Variants in PCDHGA4 observed in about 807,000 individuals in gnomAD.
The protein encoded by PCDHGA4 is protocadherin gamma-A4.
PCDHGA4 carries 38 observed loss-of-function variants against 54.6 expected under a neutral mutation model. The ratio of observed to expected loss-of-function variants is 0.70; its 90% confidence interval spans 0.54 to 0.91. The LOEUF is 0.91. PCDHGA4 is among the 40% of genes least tolerant of loss of function. The probability of loss-of-function intolerance (pLI) is 0.00; values close to 1 mark genes in which losing one functional copy is unlikely to be tolerated. For synonymous variants in PCDHGA4, 511 were observed against 512.9 expected (o/e 1.00, Z 0.05); for missense variants, 1,298 against 1,220.9 (o/e 1.06, Z -0.94).
At chr5:141,484,359 T>A (rs1218120598) in intron 1 of PCDHGA4, among the ~76,000 whole-genome samples, 1 of 152,222 alleles carries the variant, frequency 6.6e-6, no homozygotes, top group Non-Finnish European at 1.5e-5. Context: ...GTGTATCTAG[T>A]GTATCACTAG....
chr5:141,420,415 TAAAAC>T, intron 1 of PCDHGA4: 1 of 1,217,298 alleles, frequency 8.2e-7, no homozygotes, highest in Non-Finnish European at 1.1e-6. Flanking sequence ...TTATCATTAT[TAAAAC>T]AAAAGTTTAA....
At chr5:141,405,232 C>T (rs779259588) in intron 1 of PCDHGA4, 8 of 1,613,990 alleles carry the variant, frequency 5.0e-6, no homozygotes, top group Middle Eastern at 1.6e-4. Flanking sequence ...TCTCCCTCAC[C>T]GCTGACTCAA....
chr5:141,388,864 C>T (rs748559328), intron 1 of PCDHGA4: 15 of 1,613,736 alleles, frequency 9.3e-6, no homozygotes, highest in Middle Eastern at 1.6e-4. Flanking sequence ...GGAATGATTG[C>T]GCAATGCACA....
intron 1 of PCDHGA4, among the ~76,000 whole-genome samples, chr5:141,453,322 G>A (rs897661534): frequency 6.6e-6 from 1 of 151,544 alleles, no homozygotes; most frequent in Non-Finnish European, 1.5e-5. Flanking sequence ...TTTTAGAGAT[G>A]GGGTCTCACT....
chr5:141,492,851 C>T (rs1289268967), intron 1 of PCDHGA4, among the ~76,000 whole-genome samples: 2 of 152,204 alleles, frequency 1.3e-5, no homozygotes, highest in Non-Finnish European at 2.9e-5. Flanking sequence ...GTGAAAGCCT[C>T]GAGCGCCCTG....
intron 1 of PCDHGA4, chr5:141,393,413 G>C: frequency 6.2e-7 from 1 of 1,614,046 alleles, no homozygotes; most frequent in Non-Finnish European, 8.5e-7. Flanking sequence ...AGCGCGCCCT[G>C]GACAGGGAGG....
intron 1 of PCDHGA4, chr5:141,421,806 A>C (rs1027166084): frequency 4.3e-6 from 7 of 1,613,724 alleles, no homozygotes; most frequent in Non-Finnish European, 5.1e-6. Flanking sequence ...CCAAGAATCC[A>C]GAGCTAGTAC....
intron 1 of PCDHGA4, among the ~76,000 whole-genome samples, chr5:141,435,043 C>T (rs2097739230): frequency 1.3e-5 from 2 of 151,658 alleles, no homozygotes; most frequent in African/African-American, 2.4e-5. Flanking sequence ...ATTTTTTTCC[C>T]ATTGACCATG....
chr5:141,401,446 A>G (rs1200787289), intron 1 of PCDHGA4, among the ~76,000 whole-genome samples: 1 of 152,244 alleles, frequency 6.6e-6, no homozygotes, highest in Non-Finnish European at 1.5e-5. Context: ...GAAGGTCCAA[A>G]TCATCCAAAT....
intron 1 of PCDHGA4, among the ~76,000 whole-genome samples, chr5:141,362,816 G>C (rs1253772820): frequency 1.3e-5 from 2 of 152,090 alleles, no homozygotes; most frequent in Non-Finnish European, 2.9e-5. Flanking sequence ...ACTTCTCTCT[G>C]CAGATTTGTT....
At chr5:141,403,119 C>T in intron 1 of PCDHGA4, 1 of 1,614,060 alleles carries the variant, frequency 6.2e-7, no homozygotes, top group Non-Finnish European at 8.5e-7. Flanking sequence ...GCTCTGGAGC[C>T]CCGGGAGCTG....
chr5:141,384,206 C>T (rs887307433), intron 1 of PCDHGA4: 1 of 1,613,928 alleles, frequency 6.2e-7, no homozygotes. Context: ...TCCAGGGAAA[C>T]TCACATATTC....
At chr5:141,365,089 G>A in intron 1 of PCDHGA4, 2 of 1,613,840 alleles carry the variant, frequency 1.2e-6, no homozygotes, top group South Asian at 2.2e-5. Flanking sequence ...GTGTTCCAGA[G>A]AACATACCTG....
At chr5:141,369,892 TATG>T (rs1425925280) in intron 1 of PCDHGA4, among the ~76,000 whole-genome samples, 1 of 152,208 alleles carries the variant, frequency 6.6e-6, no homozygotes. Context: ...AAGATATTAT[TATG>T]ACCATTTTAT....
chr5:141,385,615 T>C, intron 1 of PCDHGA4: 2 of 1,097,512 alleles, frequency 1.8e-6, no homozygotes, highest in East Asian at 4.2e-5. Flanking sequence ...ATATATTTTA[T>C]ACATTGGAAT....
rs775654786 is a variant in PCDHGA4 at position 141,491,718 on chromosome 5, G to A, written c.2515-3089G>A. Reference sequence around the variant, plus strand: ...GGAGCCAGGTGAGGGGCTCGGCGCCGCCCCGGGCGACCCCTGGGGGCGGCA... The same window carrying A: ...GGAGCCAGGTGAGGGGCTCGGCGCCACCCCGGGCGACCCCTGGGGGCGGCA... On this transcript the variant is annotated intron_variant, in intron 1 of 3. Coordinates refer to ENST00000571252, the MANE Select transcript of PCDHGA4 (RefSeq NM_018917.4). This position sits in a 1 kb window ranked among gnomAD's most constrained non-coding sequence, Gnocchi z 6.9. 1 of 1,607,600 alleles carries A rather than the reference G, an allele frequency of 6.2e-7. No homozygotes were observed. The highest frequency in any genetic ancestry group is 2.2e-5 in the East Asian group (1 of 44,690).
Position 141,489,263 on chromosome 5 carries a change from A to G in PCDHGA4, c.2515-5544A>G. The G allele has an allele frequency of 6.4e-7, 1 of 1,552,104 alleles. No homozygotes were observed. Among genetic ancestry groups the G allele is most frequent in the South Asian group, 1.3e-5 (1 of 79,626 alleles). On this transcript the variant is annotated intron_variant, in intron 1 of 3. Transcript: ENST00000571252. This position sits in a 1 kb window ranked among gnomAD's most constrained non-coding sequence, Gnocchi z 4.5. ...GTCATGGGGCCCAAGACACTCCCAC[A>G]GCTCGCTGGGAAATGGCAAGTGCTG...
At chr5:141,409,098 G>A in intron 1 of PCDHGA4, 2 of 1,613,994 alleles carry the variant, frequency 1.2e-6, no homozygotes, top group Non-Finnish European at 1.7e-6. Flanking sequence ...GAGAAAACAG[G>A]TATGATTAAG....
Position 141,477,176 on chromosome 5 carries a change from G to A in PCDHGA4, c.2515-17631G>A. ...GAATGACAACGCCCCGGAGATCACA[G>A]TCACCTCCGTGTACAGCCCAGTACC... On this transcript the variant is annotated intron_variant, in intron 1 of 3. Transcript: ENST00000571252. The surrounding 1 kb of genome is among the most constrained non-coding windows in gnomAD (Gnocchi z 4.9). 2 of 1,614,206 alleles carry A rather than the reference G, an allele frequency of 1.2e-6. No individual in the cohort carries two copies. Among genetic ancestry groups the A allele is most frequent in the Admixed American group, 1.7e-5 (1 of 60,024 alleles).
Sources: gnomAD v4.1 joint callset for allele counts (sites outside exome capture counted in the v4.1 genomes callset) on GRCh38, gnomAD v4.1.1 for gene constraint, Gnocchi (gnomAD v3.1) non-coding constraint, MANE v1.5 for transcripts, NCBI Gene and HGNC (gene_info 2026-07-23, HGNC 2026-07-21) for gene names.